The following LRRC58 variants were observed in gnomAD, a reference collection of about 807,000 sequenced individuals.
LRRC58 encodes leucine-rich repeat-containing protein 58.
In LRRC58, 18 loss-of-function variants were observed where a neutral mutation model predicts 30.6. The ratio of observed to expected loss-of-function variants is 0.59; its 90% CI spans 0.41 to 0.87. The LOEUF is 0.87. LRRC58 is among the 40% of genes least tolerant of loss of function. The pLI is 0.00. For synonymous variants in LRRC58, 221 were observed against 206.0 expected (o/e 1.07, Z -0.62); for missense variants, 420 against 468.4 (o/e 0.90, Z 0.95).
At chr3:120,333,429 G>A (rs2943757) in intron 3 of LRRC58, among the ~76,000 whole-genome samples, 47,081 of 152,110 alleles carry the variant, frequency 0.31, 8,894 homozygotes, top group African/African-American at 0.52. Context: ...TCAGAGAAAA[G>A]CACAGTGCTG....
intron 2 of LRRC58, among the ~76,000 whole-genome samples, chr3:120,335,421 G>C (rs1419497746): frequency 1.3e-5 from 2 of 152,124 alleles, no homozygotes; most frequent in African/African-American, 4.8e-5. Context: ...TTTGGGGGTG[G>C]GCAGTGGGCA....
chr3:120,344,017 GGACAGGGCGAGACTCT>G (rs1935936873), intron 1 of LRRC58, among the ~76,000 whole-genome samples: 1 of 152,002 alleles, frequency 6.6e-6, no homozygotes, highest in African/African-American at 2.4e-5. Flanking sequence ...CCAGCTTGGT[GGACAGGGCGAGACTCT>G]GACTCCAAAA....
Position 120,331,267 on chromosome 3 carries a change from C to T in LRRC58, c.1049G>A (p.Ser350Asn), listed in dbSNP as rs771518348. The change falls in exon 4 of 4, where the codon AGT (serine) becomes AAT (asparagine). Residue 350 changes from serine to asparagine, a missense_variant. Around this residue, in one of 2 missense-constraint regions of LRRC58, gnomAD observed 154 missense variants for 216.8 expected, o/e 0.71. Transcript: ENST00000295628. ...AGCTTCATCTTCTGAGTCAGATTCA[C>T]TCTGGGAAGTGGAGCTGTGAGAGGC... ...SSASHSSTSQ[S>N]ESDSEDEASV... 2 of 1,613,968 alleles carry T rather than the reference C, an allele frequency of 1.2e-6. No individual in the cohort carries two copies. Among genetic ancestry groups the T allele is most frequent in the Admixed American group, 3.3e-5 (2 of 60,026 alleles).
At chr3:120,345,895 A>G (rs1935962308) in intron 1 of LRRC58, among the ~76,000 whole-genome samples, 1 of 152,252 alleles carries the variant, frequency 6.6e-6, no homozygotes, top group Non-Finnish European at 1.5e-5. Context: ...ACTGAGTCAG[A>G]AGATCAGTCA....
rs76734190 is a variant in LRRC58, at chr3:120,326,221, T to C, written c.*4979A>G. The C allele has an allele frequency of 0.056, 8,574 of 152,154 alleles. 277 individuals are homozygous for C. The highest frequency in any genetic ancestry group is 0.093 in the East Asian group (480 of 5,166). The allele number at this position is 152,154 out of a possible 1,614,324, so 9.4% of individuals were successfully genotyped here. On this transcript the variant is annotated 3_prime_UTR_variant, in exon 4 of 4. Transcript: ENST00000295628. ...TCTTGCTCTGTCTCCCAGGCTGGAGTGCAATGGCATGATCTCGGCTCACTG... is the reference window on the plus strand; with the variant it reads ...TCTTGCTCTGTCTCCCAGGCTGGAGCGCAATGGCATGATCTCGGCTCACTG...
chr3:120,327,027 G>A lies in LRRC58; in HGVS notation c.*4173C>T, dbSNP rs1484550131. 1 of 152,114 alleles carries A rather than the reference G, an allele frequency of 6.6e-6. No homozygotes were observed. The highest frequency in any genetic ancestry group is 2.4e-5 in the African/African-American group (1 of 41,400). The allele number at this position is 152,114 out of a possible 1,614,324, so 9.4% of individuals were successfully genotyped here. On this transcript the variant is annotated 3_prime_UTR_variant, in exon 4 of 4. Coordinates refer to ENST00000295628, the MANE Select transcript of LRRC58 (RefSeq NM_001099678.2). Reference sequence around the variant, plus strand: ...GAGCAAGGTTGGCTGTAAGAAGATCGTATTACTTGCTGGCCCTTAATTACG... The same window carrying A: ...GAGCAAGGTTGGCTGTAAGAAGATCATATTACTTGCTGGCCCTTAATTACG...
Position 120,326,160 on chromosome 3 carries a change from C to G in LRRC58, c.*5040G>C, listed in dbSNP as rs116083434. On this transcript the variant is annotated 3_prime_UTR_variant, in exon 4 of 4. Coordinates refer to ENST00000295628, the MANE Select transcript of LRRC58 (RefSeq NM_001099678.2). The stretch of plus-strand genomic sequence containing the variant: ...ACGACTATGAAAATACAAAATTGCA[C>G]GCAATTTTTTTTTTATTTTTATTTT... 1 of 151,790 alleles carries G rather than the reference C, an allele frequency of 6.6e-6. No homozygotes were observed. Among genetic ancestry groups the G allele is most frequent in the Non-Finnish European group, 1.5e-5 (1 of 67,938 alleles). The allele number at this position is 151,790 out of a possible 1,614,324, so 9.4% of individuals were successfully genotyped here. A position where few individuals can be genotyped will look rare whatever the true frequency, so the allele number is the denominator to read the frequency against.
intron 3 of LRRC58, among the ~76,000 whole-genome samples, chr3:120,332,828 G>C (rs1445134545): frequency 6.6e-6 from 1 of 151,770 alleles, no homozygotes; most frequent in Non-Finnish European, 1.5e-5. Flanking sequence ...CAACTCATGG[G>C]ACCCTTGAAC....
chr3:120,333,125 C>T (rs570312983), intron 3 of LRRC58, among the ~76,000 whole-genome samples: 1 of 151,898 alleles, frequency 6.6e-6, no homozygotes. Context: ...AAAAGAGATC[C>T]TTCTGCCTCA....
In LRRC58 at chr3:120,325,544, T is replaced by C. The variant is rs1408216506; in HGVS notation, c.*5656A>G. 1.3e-5 allele frequency: 2 copies of C among 152,216 alleles called. No individual in the cohort carries two copies. Among genetic ancestry groups the C allele is most frequent in the Non-Finnish European group, 2.9e-5 (2 of 68,024 alleles). 9.4% of individuals were successfully genotyped at this position (152,216 alleles called of 1,614,324 possible). ...AAGTCTAGTAGCACCCAAATCAATA[T>C]TGCCCTGTGAGTGTTCAATAATATG... On this transcript the variant is annotated 3_prime_UTR_variant, in exon 4 of 4. Transcript: ENST00000295628.
chr3:120,325,649 G>T lies in LRRC58; in HGVS notation c.*5551C>A, dbSNP rs1411847341. 4 of 152,136 alleles carry T rather than the reference G, an allele frequency of 2.6e-5. No individual in the cohort carries two copies. The highest frequency in any genetic ancestry group is 4.4e-5 in the Non-Finnish European group (3 of 68,028). 9.4% of individuals were successfully genotyped at this position (152,136 alleles called of 1,614,324 possible). ...AAGAAGAGATAGAAAAAGAATGGGA[G>T]ATATTTACATACAAAAGTATTCAAA... On this transcript the variant is annotated 3_prime_UTR_variant, in exon 4 of 4. Coordinates refer to ENST00000295628, the MANE Select transcript of LRRC58 (RefSeq NM_001099678.2).
At position 120,328,924 on chromosome 3, in the gene LRRC58, G is replaced by T. The variant is rs1935717289; in HGVS notation, c.*2276C>A. The T allele has an allele frequency of 6.6e-6, 1 of 152,126 alleles. No homozygotes were observed. The highest frequency in any genetic ancestry group is 2.4e-5 in the African/African-American group (1 of 41,414). 9.4% of individuals were successfully genotyped at this position (152,126 alleles called of 1,614,324 possible). A position where few individuals can be genotyped will look rare whatever the true frequency, so the allele number is the denominator to read the frequency against. On this transcript the variant is annotated 3_prime_UTR_variant, in exon 4 of 4. Transcript: ENST00000295628. ...AACATTTTGTTGAAATAATACTGTGGTATACATCTATATTCTTATATGCAA... is the reference window on the plus strand; with the variant it reads ...AACATTTTGTTGAAATAATACTGTGTTATACATCTATATTCTTATATGCAA...
intron 3 of LRRC58, among the ~76,000 whole-genome samples, chr3:120,332,376 CAACT>C (rs1935768554): frequency 6.6e-6 from 1 of 152,144 alleles, no homozygotes; most frequent in Non-Finnish European, 1.5e-5. Context: ...CCTGATATCT[CAACT>C]AACCATGTAG....
At chr3:120,337,129 G>A (rs1021744619) in intron 1 of LRRC58, among the ~76,000 whole-genome samples, 4 of 152,014 alleles carry the variant, frequency 2.6e-5, no homozygotes, top group Non-Finnish European at 4.4e-5. Flanking sequence ...TCCCTCCCTT[G>A]AATTGCCTGT....
intron 1 of LRRC58, among the ~76,000 whole-genome samples, chr3:120,346,219 T>C (rs902863109): frequency 6.6e-6 from 1 of 152,048 alleles, no homozygotes; most frequent in Non-Finnish European, 1.5e-5. Flanking sequence ...ATCATGCCAC[T>C]GCACTCCAGC....
In LRRC58 at chr3:120,335,118, T is replaced by C. The variant is rs756115289; in HGVS notation, c.651A>G (p.Leu217=). The C allele has an allele frequency of 6.2e-7, 1 of 1,613,394 alleles. No individual in the cohort carries two copies. Among genetic ancestry groups the C allele is most frequent in the Non-Finnish European group, 8.5e-7 (1 of 1,179,446 alleles). Residue 217 remains leucine (L), a synonymous_variant, in exon 3 of 4, where the codon CTA becomes CTG. Coordinates refer to ENST00000295628, the MANE Select transcript of LRRC58 (RefSeq NM_001099678.2). ...QLSQLHSLRS[L]SLHNNLLTYL... is the part of the protein sequence containing the mutation. The stretch of plus-strand genomic sequence containing the variant: ...ATGTCAGCAAGTTATTGTGAAGACT[T>C]AGGGAACGAAGTGAATGTAACCTAG...
chr3:120,343,026 T>C (rs1427594930), intron 1 of LRRC58, among the ~76,000 whole-genome samples: 1 of 152,224 alleles, frequency 6.6e-6, no homozygotes, highest in African/African-American at 2.4e-5. Flanking sequence ...CATTTGCTAC[T>C]TGATGTCTTC....
At chr3:120,348,605 G>T in intron 1 of LRRC58, 139 bp downstream of exon 1, 1 of 974,854 alleles carries the variant, frequency 1.0e-6, no homozygotes, top group Non-Finnish European at 1.4e-6. Flanking sequence ...GAGATGGTTG[G>T]GCAGAACTCA....
rs574492035 is a variant in LRRC58 at position 120,332,670 on chromosome 3, A to C, written c.908-1262T>G. Among the ~76,000 whole-genome samples the C allele has an allele frequency of 1.4e-4, 21 of 152,370 alleles. No homozygotes were observed. In the East Asian group the frequency reaches 4.0e-3, roughly 29 times the overall value. Reference sequence around the variant, plus strand: ...GAGAATATAAAAGTACTTTTGTTTAAGTTACAGTTTAATAACTAACGAATT... The same window carrying C: ...GAGAATATAAAAGTACTTTTGTTTACGTTACAGTTTAATAACTAACGAATT... On this transcript the variant is annotated intron_variant, in intron 3 of 3. Coordinates refer to ENST00000295628, the MANE Select transcript of LRRC58 (RefSeq NM_001099678.2).
Sources: allele counts gnomAD v4.1 joint callset (sites outside exome capture counted in the v4.1 genomes callset), GRCh38; gene constraint gnomAD v4.1.1; regional missense constraint gnomAD v4.1.1; transcripts MANE v1.5; gene names NCBI Gene and HGNC (gene_info 2026-07-23, HGNC 2026-07-21).